The following SLC31A1 variants were observed in gnomAD, a reference collection of about 807,000 sequenced individuals.
The protein encoded by SLC31A1 is high affinity copper uptake protein 1.
SLC31A1 carries 5 observed loss-of-function variants against 17.2 expected under a neutral mutation model. The observed-to-expected ratio is 0.29, with a 90% CI of 0.15 to 0.61. The LOEUF is 0.61. SLC31A1 is among the 20% of genes least tolerant of loss of function. SLC31A1 has a pLI of 0.86. For missense variants in SLC31A1, 161 were observed against 241.4 expected (o/e 0.67, Z 2.21); for synonymous variants, 76 against 78.8 (o/e 0.96, Z 0.19).
chr9:113,236,625 G>A (rs552820178), intron 1 of SLC31A1, among the ~76,000 whole-genome samples: 24 of 152,230 alleles, frequency 1.6e-4, no homozygotes, highest in Non-Finnish European at 2.9e-4. Context: ...GCCTCCCAAA[G>A]TGCTGGGATT....
Position 113,260,579 on chromosome 9 carries a change from G to GCA in SLC31A1, c.*106_*107insCA. ...TCCCTTCTTGCTCCTCTTTGTGCAC[G>GCA]TACACACACACACACACACACACAC... On this transcript the variant is annotated 3_prime_UTR_variant, in exon 5 of 5. Transcript: ENST00000374212. 4 of 590,122 alleles carry GCA rather than the reference G, an allele frequency of 6.8e-6. No homozygotes were observed. Among genetic ancestry groups the GCA allele is most frequent in the Non-Finnish European group, 1.1e-5 (4 of 352,630 alleles). 36.6% of individuals were successfully genotyped at this position (590,122 alleles called of 1,614,324 possible). A position where few individuals can be genotyped will look rare whatever the true frequency, so the allele number is the denominator to read the frequency against.
chr9:113,253,194 A>G (rs1281650254), intron 1 of SLC31A1, among the ~76,000 whole-genome samples: 1 of 152,012 alleles, frequency 6.6e-6, no homozygotes, highest in Non-Finnish European at 1.5e-5. Context: ...TAACCTCGTG[A>G]TCCGCCTGCC....
rs569800289 is a variant in SLC31A1, at chr9:113,258,296, C to T, written c.203-398C>T. Among the ~76,000 whole-genome samples, 8 of 152,332 alleles carry T rather than the reference C, an allele frequency of 5.3e-5. No homozygotes were observed. The highest frequency in any genetic ancestry group is 1.4e-4 in the African/African-American group (6 of 41,576). Reference sequence around the variant, plus strand: ...CATTTATATCATTACCAACACTTCACAGTGTGAAAGACTTAGAATTGAAAT... The same window carrying T: ...CATTTATATCATTACCAACACTTCATAGTGTGAAAGACTTAGAATTGAAAT... On this transcript the variant is annotated intron_variant, in intron 3 of 4. Coordinates refer to ENST00000374212, the MANE Select transcript of SLC31A1 (RefSeq NM_001859.4). The surrounding 1 kb of genome is among the most constrained non-coding windows in gnomAD (Gnocchi z 4.8).
Position 113,256,210 on chromosome 9 carries a change from C to T in SLC31A1, c.62C>T (p.Ser21Phe). The change falls in exon 2 of 5, where the codon TCT (serine) becomes TTT (phenylalanine). Residue 21 changes from serine (S) to phenylalanine (F), a missense_variant. By Grantham distance (155) the Ser-to-Phe change is radical. Coordinates refer to ENST00000374212, the MANE Select transcript of SLC31A1 (RefSeq NM_001859.4). ...GACTCCAACAGTACCATGCAACCTT[C>T]TCACCATCACCCAACCACTTCAGCC... ...YMDSNSTMQP[S>F]HHHPTTSASH... 1.2e-6 allele frequency: 2 copies of T among 1,613,442 alleles called. No individual in the cohort carries two copies. The highest frequency in any genetic ancestry group is 1.7e-6 in the Non-Finnish European group (2 of 1,179,982).
chr9:113,263,027 T>G lies in SLC31A1; in HGVS notation c.*2554T>G, dbSNP rs1228978046. ...ATCAAAAATTAGCCAGGCATGGTGG[T>G]GCATACCTATAGTCCTGGCTATTTG... On this transcript the variant is annotated 3_prime_UTR_variant, in exon 5 of 5. Coordinates refer to ENST00000374212, the MANE Select transcript of SLC31A1 (RefSeq NM_001859.4). 1 of 152,244 alleles carries G rather than the reference T, an allele frequency of 6.6e-6. No homozygotes were observed. Among genetic ancestry groups the G allele is most frequent in the Admixed American group, 6.6e-5 (1 of 15,264 alleles). 9.4% of individuals were successfully genotyped at this position (152,244 alleles called of 1,614,324 possible). A position where few individuals can be genotyped will look rare whatever the true frequency, so the allele number is the denominator to read the frequency against.
intron 1 of SLC31A1, among the ~76,000 whole-genome samples, chr9:113,253,958 C>CTTTTTTTTTTTTTTTTTTTTTTTTTTT (rs397967653): frequency 1.8e-5 from 2 of 110,416 alleles, no homozygotes; most frequent in Non-Finnish European, 3.5e-5. Context: ...TACCCACAGT[C>CTTTTTTTTTTTTTTTTTTTTTTTTTTT]TTTTTTTTTT....
intron 1 of SLC31A1, 23 bp from the exon 2 acceptor site, chr9:113,256,091 T>C: frequency 2.7e-6 from 4 of 1,496,910 alleles, no homozygotes; most frequent in Non-Finnish European, 2.8e-6. Context: ...TAAATTATTA[T>C]ATATAATTCT....
intron 1 of SLC31A1, chr9:113,227,160 T>C (rs1831350759): frequency 6.6e-6 from 1 of 152,172 alleles, no homozygotes; most frequent in Non-Finnish European, 1.5e-5. Context: ...AGATCTAGAA[T>C]GCAGATGTAG....
At chr9:113,243,527 C>T (rs1477539690) in intron 1 of SLC31A1, among the ~76,000 whole-genome samples, 3 of 145,902 alleles carry the variant, frequency 2.1e-5, no homozygotes, top group South Asian at 4.3e-4. Flanking sequence ...GGATGACCTT[C>T]AACCGATATC....
At chr9:113,227,834 A>G (rs1831358468) in intron 1 of SLC31A1, among the ~76,000 whole-genome samples, 1 of 152,256 alleles carries the variant, frequency 6.6e-6, no homozygotes, top group Non-Finnish European at 1.5e-5. Flanking sequence ...AGTTAAAGCA[A>G]TGCTTTGCCA....
In SLC31A1 at chr9:113,237,612, G is replaced by A. The variant is rs1436433161; in HGVS notation, c.-36+15934G>A. On this transcript the variant is annotated intron_variant, in intron 1 of 4. Coordinates refer to ENST00000374212, the MANE Select transcript of SLC31A1 (RefSeq NM_001859.4). Reference sequence around the variant, plus strand: ...AACACTGGGCTTGAGGTCAGAATCAGGCTTCTAATGATGACCACTAGACTA... The same window carrying A: ...AACACTGGGCTTGAGGTCAGAATCAAGCTTCTAATGATGACCACTAGACTA... Among the ~76,000 whole-genome samples the A allele has an allele frequency of 3.3e-5, 5 of 152,180 alleles. No homozygotes were observed. In the East Asian group the frequency reaches 9.6e-4, roughly 29 times the overall value.
chr9:113,258,621 T>A lies in SLC31A1; in HGVS notation c.203-73T>A, dbSNP rs1054514261. On this transcript the variant is annotated intron_variant, in intron 3 of 4. Coordinates refer to ENST00000374212, the MANE Select transcript of SLC31A1 (RefSeq NM_001859.4). The surrounding 1 kb of genome is among the most constrained non-coding windows in gnomAD (Gnocchi z 4.8). ...GTAGCATTTTTTCTATGTGTCTTTC[T>A]AGCTGGACAGCACATTGGCTAATGA... 2 of 1,527,612 alleles carry A rather than the reference T, an allele frequency of 1.3e-6. No homozygotes were observed. Among genetic ancestry groups the A allele is most frequent in the Middle Eastern group, 2.2e-4 (1 of 4,522 alleles). 94.6% of individuals were successfully genotyped at this position (1,527,612 alleles called of 1,614,324 possible). A position where few individuals can be genotyped will look rare whatever the true frequency, so the allele number is the denominator to read the frequency against.
At chr9:113,251,484 T>C (rs1213150781) in intron 1 of SLC31A1, among the ~76,000 whole-genome samples, 1 of 152,072 alleles carries the variant, frequency 6.6e-6, no homozygotes, top group Non-Finnish European at 1.5e-5. Context: ...TTTTAACTTA[T>C]TGTTACATGA....
intron 1 of SLC31A1, 45 bp from the exon 2 acceptor site, chr9:113,256,068 AT>A (rs1831723497): frequency 1.7e-5 from 23 of 1,383,784 alleles, no homozygotes; most frequent in Non-Finnish European, 2.2e-5. Flanking sequence ...AAGAGATAAG[AT>A]TTTTATATCC....
At chr9:113,228,724 A>C (rs912709627) in intron 1 of SLC31A1, among the ~76,000 whole-genome samples, 1 of 151,398 alleles carries the variant, frequency 6.6e-6, no homozygotes, top group Non-Finnish European at 1.5e-5. Flanking sequence ...GTCTAGTGTT[A>C]TGGAGCCTTC....
chr9:113,226,296 G>A (rs1831341999), intron 1 of SLC31A1, among the ~76,000 whole-genome samples: 1 of 152,116 alleles, frequency 6.6e-6, no homozygotes, highest in African/African-American at 2.4e-5. Context: ...GGAAGGGGTA[G>A]GGGGTTCCTG....
Position 113,258,470 on chromosome 9 carries a change from TTCTTA to T in SLC31A1, c.203-218_203-214del, listed in dbSNP as rs1231918713. 1.3e-5 allele frequency among the ~76,000 whole-genome samples: 2 copies of T among 152,366 alleles called. No individual in the cohort carries two copies. Among genetic ancestry groups the T allele is most frequent in the East Asian group, 1.9e-4 (1 of 5,186 alleles). ...AAGGTTATTGTTGTTCTGATTATTT[TTCTTA>T]TCTTAATCAGAAAGTAAATATGTTC... On this transcript the variant is annotated intron_variant, in intron 3 of 4. Coordinates refer to ENST00000374212, the MANE Select transcript of SLC31A1 (RefSeq NM_001859.4). This position sits in a 1 kb window ranked among gnomAD's most constrained non-coding sequence, Gnocchi z 4.8.
intron 1 of SLC31A1, among the ~76,000 whole-genome samples, chr9:113,231,851 C>T (rs1050995487): frequency 2.0e-5 from 3 of 152,070 alleles, no homozygotes; most frequent in Non-Finnish European, 4.4e-5. Flanking sequence ...ACGTTAAGTA[C>T]TCATAGTATC....
chr9:113,236,177 A>G (rs1831456535), intron 1 of SLC31A1, among the ~76,000 whole-genome samples: 1 of 152,148 alleles, frequency 6.6e-6, no homozygotes, highest in Non-Finnish European at 1.5e-5. Context: ...TAGTAGAGAC[A>G]GCGTTTTGCC....
Sources: allele counts gnomAD v4.1 joint callset (sites outside exome capture counted in the v4.1 genomes callset), GRCh38; gene constraint gnomAD v4.1.1; non-coding constraint Gnocchi (gnomAD v3.1); transcripts MANE v1.5; gene names NCBI Gene and HGNC (gene_info 2026-07-23, HGNC 2026-07-21).